The following TNK2 variants were observed in gnomAD, a reference collection of about 807,000 sequenced individuals.
The protein encoded by TNK2 is activated CDC42 kinase 1.
In TNK2, 83 loss-of-function variants were observed where a neutral mutation model predicts 101.8. That is an observed-to-expected ratio of 0.82 (90% CI 0.68 to 0.98). The LOEUF (loss-of-function observed/expected upper bound fraction) is 0.98. Among genes scored for constraint, TNK2 ranks in the 50% least tolerant of loss-of-function variants. The pLI is 0.00. For synonymous variants in TNK2, 804 were observed against 633.0 expected, an observed-to-expected ratio of 1.27 and a Z score of -4.06; for missense variants, 1,665 against 1,483.2, an observed-to-expected ratio of 1.12 and a Z score of -2.01.
rs1757092830 is a variant in TNK2 at position 195,888,533 on chromosome 3, A to G, written c.56T>C (p.Leu19Pro). 1 of 1,613,306 alleles carries G rather than the reference A, an allele frequency of 6.2e-7. No individual in the cohort carries two copies. The highest frequency in any genetic ancestry group is 8.5e-7 in the Non-Finnish European group (1 of 1,179,952). ...WLLELLSEVQ[L>P]QQYFLRLRDD... ...TCGGAGCCGCAGGAAGTACTGTTGC[A>G]GCTGCACCTCGGACAGCAGCTCCAG... Residue 19 changes from leucine (L) to proline (P), a missense_variant, in exon 2 of 16, where the codon CTG (leucine) becomes CCG (proline). Physicochemically the swap from Leu to Pro is moderately conservative, Grantham distance 98 (BLOSUM62 -3). Coordinates refer to ENST00000672887, the MANE Select transcript of TNK2 (RefSeq NM_001382273.1). This position sits in a 1 kb window ranked among gnomAD's most constrained non-coding sequence, Gnocchi z 5.3.
chr3:195,880,274 C>T (rs907364351), intron 6 of TNK2, among the ~76,000 whole-genome samples: 14 of 152,112 alleles, frequency 9.2e-5, no homozygotes, highest in Admixed American at 8.5e-4. Flanking sequence ...CTGGGCCTGT[C>T]TACCACTAGC....
intron 12 of TNK2, chr3:195,869,221 C>T (rs1311683773): frequency 3.4e-6 from 2 of 588,142 alleles, no homozygotes; most frequent in Non-Finnish European, 6.1e-6. Flanking sequence ...AGGCAGAAGC[C>T]AGGGCCACAC....
chr3:195,864,654 C>G (rs1302331104), intron 15 of TNK2, among the ~76,000 whole-genome samples: 1 of 138,052 alleles, frequency 7.2e-6, no homozygotes, highest in African/African-American at 2.7e-5. Context: ...GTAAGAACCA[C>G]CTGAGACAGT....
intron 9 of TNK2, among the ~76,000 whole-genome samples, chr3:195,875,839 G>C (rs1748871323): frequency 6.6e-6 from 1 of 152,208 alleles, no homozygotes; most frequent in Admixed American, 6.5e-5. Context: ...AACATCTCTG[G>C]GGTAGACAAG....
chr3:195,887,518 T>C (rs187621506), intron 2 of TNK2, among the ~76,000 whole-genome samples: 1 of 152,208 alleles, frequency 6.6e-6, no homozygotes, highest in African/African-American at 2.4e-5. Context: ...ACTAAGTCAG[T>C]GTCTAACTTG....
intron 6 of TNK2, among the ~76,000 whole-genome samples, chr3:195,880,690 G>A (rs1484181769): frequency 2.0e-5 from 2 of 102,532 alleles, no homozygotes; most frequent in Non-Finnish European, 3.8e-5. Context: ...ATGACCCTCG[G>A]AGAGGACACA....
chr3:195,876,022 C>A (rs1019057554), intron 9 of TNK2, among the ~76,000 whole-genome samples: 1 of 152,184 alleles, frequency 6.6e-6, no homozygotes, highest in Non-Finnish European at 1.5e-5. Flanking sequence ...GGCGCCCAGG[C>A]CTGGAGGGAT....
chr3:195,904,335 G>C (rs1422638152), intron 1 of TNK2, among the ~76,000 whole-genome samples: 1 of 149,496 alleles, frequency 6.7e-6, no homozygotes, highest in African/African-American at 2.5e-5. Context: ...TCATACAATA[G>C]AATATTATTT....
chr3:195,871,335 G>T (rs967923474), intron 10 of TNK2, among the ~76,000 whole-genome samples: 1 of 152,100 alleles, frequency 6.6e-6, no homozygotes, highest in Non-Finnish European at 1.5e-5. Flanking sequence ...CTGTGTGGTG[G>T]GGAGGCGGAG....
chr3:195,881,544 G>A (rs1278684024), intron 6 of TNK2, among the ~76,000 whole-genome samples: 3 of 38,944 alleles, frequency 7.7e-5, no homozygotes, highest in Non-Finnish European at 1.3e-4. Context: ...ACCCCCCCCA[G>A]CAATGCCCCT....
At position 195,878,409 on chromosome 3, in the gene TNK2, G is replaced by C. The variant is rs758512468; in HGVS notation, c.1161+37C>G. 2 of 1,613,806 alleles carry C rather than the reference G, an allele frequency of 1.2e-6. No individual in the cohort carries two copies. The highest frequency in any genetic ancestry group is 1.7e-6 in the Non-Finnish European group (2 of 1,179,898). ...TGACGCCTGGGTAGCCCCTCAGCTT[G>C]AACACCCCAGCTCTCCTGGGCTGAC... On this transcript the variant is annotated intron_variant, in intron 8 of 15. Coordinates refer to ENST00000672887, the MANE Select transcript of TNK2 (RefSeq NM_001382273.1). The surrounding 1 kb of genome is among the most constrained non-coding windows in gnomAD (Gnocchi z 4.7).
chr3:195,903,755 G>A (rs571787718), intron 1 of TNK2, among the ~76,000 whole-genome samples: 2 of 152,022 alleles, frequency 1.3e-5, no homozygotes, highest in Non-Finnish European at 2.9e-5. Context: ...ATCCAGCCAG[G>A]GCAATCAGGC....
chr3:195,878,919 A>ACGGGGC lies in TNK2; in HGVS notation c.1014+129_1014+130insGCCCCG, dbSNP rs2149461717. 7 of 1,403,040 alleles carry ACGGGGC rather than the reference A, an allele frequency of 5.0e-6. No individual in the cohort carries two copies. The East Asian group carries it at 1.2e-4, about 23-fold the overall frequency. 86.9% of individuals were successfully genotyped at this position (1,403,040 alleles called of 1,614,324 possible). ...ACGGGGCGTGGTGGGAGGCACGGGA[A>ACGGGGC]GTGGGGGGAGGCACGGGGCGTGGGA... On this transcript the variant is annotated intron_variant, in intron 7 of 15. Transcript: ENST00000672887. This position sits in a 1 kb window ranked among gnomAD's most constrained non-coding sequence, Gnocchi z 4.7.
At chr3:195,870,408 A>AC in intron 10 of TNK2, 1 of 1,435,050 alleles carries the variant, frequency 7.0e-7, no homozygotes, top group Non-Finnish European at 9.3e-7. Flanking sequence ...AGGACACCTG[A>AC]CCCCAGGATG....
At position 195,867,826 on chromosome 3, in the gene TNK2, G is replaced by A. The variant is rs570333707; in HGVS notation, c.2472C>T (p.Ser824=). Residue 824 remains serine, a synonymous_variant, in exon 13 of 16, where the codon AGC becomes AGT. Coordinates refer to ENST00000672887, the MANE Select transcript of TNK2 (RefSeq NM_001382273.1). ...TGGTGGGCATGGTCTTCCCAGGTGA[G>A]CTTGAGAGCCGGGGTGGCAGCGGGG... is the stretch of plus-strand genomic sequence containing the variant. ...GSSPLPPRLS[S]SPGKTMPTTQ... The A allele has an allele frequency of 7.1e-6, 11 of 1,542,618 alleles. No homozygotes were observed. The highest frequency in any genetic ancestry group is 9.6e-6 in the Non-Finnish European group (11 of 1,149,138).
rs1466375877 is a variant in TNK2, at chr3:195,888,491, G to A, written c.98C>T (p.Thr33Ile). ...GACGTACTCAAAGTGGGACAGGCGG[G>A]TGACGTTGAGGTCATCTCGGAGCCG... Reference protein sequence around the residue: ...FLRLRDDLNVTRLSHFEYVKN... With the variant: ...FLRLRDDLNVIRLSHFEYVKN... Residue 33 changes from threonine (T) to isoleucine (I), a missense_variant, in exon 2 of 16, where the codon ACC (threonine) becomes ATC (isoleucine). Transcript: ENST00000672887. This position sits in a 1 kb window ranked among gnomAD's most constrained non-coding sequence, Gnocchi z 5.3. The A allele has an allele frequency of 1.2e-6, 2 of 1,613,944 alleles. No individual in the cohort carries two copies. The highest frequency in any genetic ancestry group is 1.7e-6 in the Non-Finnish European group (2 of 1,180,018).
In TNK2 at chr3:195,867,410, C is replaced by T. The variant is rs1383391131; in HGVS notation, c.2888G>A (p.Cys963Tyr). ...RATARLPQRG[C>Y]PGDGPEAGRP... ...GCCCGCCTCTGGCCCATCGCCAGGG[C>T]AGCCCCTCTGTGGCAGCCGAGCAGT... is the stretch of plus-strand genomic sequence containing the variant. Residue 963 changes from cysteine to tyrosine, a missense_variant, in exon 13 of 16, where the codon TGC becomes TAC. Physicochemically the swap from Cys to Tyr is radical, Grantham distance 194. This residue lies in a region of TNK2 where 1,136 missense variants were observed against 894.9 expected (regional missense o/e 1.27). Coordinates refer to ENST00000672887, the MANE Select transcript of TNK2 (RefSeq NM_001382273.1). 1.2e-6 allele frequency: 2 copies of T among 1,604,172 alleles called. No homozygotes were observed. Among genetic ancestry groups the T allele is most frequent in the African/African-American group, 1.3e-5 (1 of 74,996 alleles).
In TNK2 at chr3:195,888,033, C is replaced by G. The variant is rs1020060619; in HGVS notation, c.163+393G>C. ...GAGAGAGCAAGAAAGAGAGCGTGAG[C>G]ACGAATCAGCAAACCATCTGAGAGT... On this transcript the variant is annotated intron_variant, in intron 2 of 15. Transcript: ENST00000672887. The surrounding 1 kb of genome is among the most constrained non-coding windows in gnomAD (Gnocchi z 5.3). Among the ~76,000 whole-genome samples, 1 of 152,030 alleles carries G rather than the reference C, an allele frequency of 6.6e-6. No individual in the cohort carries two copies. The highest frequency in any genetic ancestry group is 1.5e-5 in the Non-Finnish European group (1 of 68,006).
At chr3:195,883,950 C>G (rs1754434459) in intron 4 of TNK2, 1 of 151,958 alleles carries the variant, frequency 6.6e-6, no homozygotes, top group Non-Finnish European at 1.5e-5. Context: ...GAAGGATGCA[C>G]TGAGTGACAG....
Sources: gnomAD v4.1 joint callset for allele counts (sites outside exome capture counted in the v4.1 genomes callset) on GRCh38, gnomAD v4.1.1 for gene constraint, gnomAD v4.1.1 regional missense constraint, Gnocchi (gnomAD v3.1) non-coding constraint, MANE v1.5 for transcripts, NCBI Gene and HGNC (gene_info 2026-07-23, HGNC 2026-07-21) for gene names.